TBC1D1: variants seen among roughly 807,000 people sequenced by gnomAD.
TBC1D1 encodes the protein TBC1 (tre-2/USP6, BUB2, cdc16) domain family, member 1.
A neutral mutation model predicts 125.6 loss-of-function variants in TBC1D1; 89 were observed. The observed-to-expected ratio is 0.71, with a 90% CI of 0.60 to 0.85. The LOEUF (loss-of-function observed/expected upper bound fraction) is 0.85. Ranked by LOEUF, TBC1D1 falls within the 40% of genes least tolerant of loss-of-function variation. The pLI is 0.00. For synonymous variants in TBC1D1, 565 were observed against 564.1 expected (o/e 1.00, Z -0.02); for missense variants, 1,377 against 1,469.2 (o/e 0.94, Z 1.03).
intron 2 of TBC1D1, among the ~76,000 whole-genome samples, chr4:37,931,486 CT>C (rs950633340): frequency 2.0e-5 from 3 of 151,012 alleles, no homozygotes; most frequent in East Asian, 1.9e-4. Context: ...TTTTTCCACT[CT>C]TTTTTTTTGA....
At position 38,044,432 on chromosome 4, in the gene TBC1D1, T is replaced by C. The variant is rs754396986; in HGVS notation, c.1484T>C (p.Met495Thr). The change falls in exon 9 of 20, where the codon ATG becomes ACG. Residue 495 changes from methionine (M) to threonine (T), a missense_variant. This residue lies in a region of TBC1D1 where 822 missense variants were observed against 824.6 expected (regional missense o/e 1.00). Coordinates refer to ENST00000261439, the MANE Select transcript of TBC1D1 (RefSeq NM_015173.4). ...AGTGCCACTCGATTTAGGCTAGATA[T>C]GCTGAAAAACAAAGCAAAGAGATCT... The C allele has an allele frequency of 6.2e-7, 1 of 1,613,832 alleles. No homozygotes were observed.
At chr4:38,035,237 A>T (rs753612932) in intron 7 of TBC1D1, among the ~76,000 whole-genome samples, 1 of 152,158 alleles carries the variant, frequency 6.6e-6, no homozygotes, top group African/African-American at 2.4e-5. Context: ...GAGTTTGTCA[A>T]TGTTTGGTCA....
At chr4:38,086,363 A>G (rs530036557) in intron 12 of TBC1D1, among the ~76,000 whole-genome samples, 4 of 152,246 alleles carry the variant, frequency 2.6e-5, no homozygotes, top group Admixed American at 2.6e-4. Flanking sequence ...AGATGCTACT[A>G]TGCCCTCTGC....
rs1287053032 is a variant in TBC1D1, at chr4:38,021,597, T to C, written c.1089T>C (p.Ile363=). Residue 363 remains isoleucine, a synonymous_variant, in exon 6 of 20, where the codon ATT becomes ATC. Transcript: ENST00000261439. ...TTCTCTTTGATTAGGTTGATGAAAT[T>C]ATGATGACCCTGAAACAGGCCTTCA... 6.4e-7 allele frequency: 1 copy of C among 1,554,496 alleles called. No homozygotes were observed. The highest frequency in any genetic ancestry group is 8.7e-7 in the Non-Finnish European group (1 of 1,152,612).
rs146659996 is a variant in TBC1D1, at chr4:37,936,141, A to G, written c.417+33629A>G. 5.1e-3 allele frequency among the ~76,000 whole-genome samples: 782 copies of G among 152,302 alleles called. 5 individuals are homozygous for G. The highest frequency in any genetic ancestry group is 0.018 in the African/African-American group (757 of 41,554). On this transcript the variant is annotated intron_variant, in intron 2 of 19. Transcript: ENST00000261439. ...CCCTTACTTTACAAGACCCCAGTGG[A>G]GGCCTAAAACTGACGATAGTACTGA...
intron 2 of TBC1D1, among the ~76,000 whole-genome samples, chr4:38,007,859 A>C (rs1740659851): frequency 6.6e-6 from 1 of 152,170 alleles, no homozygotes; most frequent in Non-Finnish European, 1.5e-5. Context: ...CATGCGGAGG[A>C]GGCCTTCCTA....
chr4:38,062,470 T>C (rs957874408), intron 12 of TBC1D1, among the ~76,000 whole-genome samples: 3 of 152,176 alleles, frequency 2.0e-5, no homozygotes, highest in Admixed American at 6.5e-5. Flanking sequence ...TTTAAGATTG[T>C]TCTTAATTTA....
At chr4:38,012,437 G>A (rs1331384013) in intron 2 of TBC1D1, among the ~76,000 whole-genome samples, 1 of 152,070 alleles carries the variant, frequency 6.6e-6, no homozygotes, top group Non-Finnish European at 1.5e-5. Context: ...ACCTTGGCTG[G>A]CTCATTTTTG....
intron 7 of TBC1D1, among the ~76,000 whole-genome samples, chr4:38,033,237 A>G (rs759769533): frequency 2.6e-5 from 4 of 152,200 alleles, no homozygotes; most frequent in Non-Finnish European, 5.9e-5. Flanking sequence ...GAATTTCTCC[A>G]AGCACAATAT....
intron 17 of TBC1D1, among the ~76,000 whole-genome samples, chr4:38,122,905 A>C (rs1764084292): frequency 6.6e-6 from 1 of 152,216 alleles, no homozygotes; most frequent in Non-Finnish European, 1.5e-5. Flanking sequence ...AAAACACATA[A>C]CACCACCCTC....
intron 1 of TBC1D1, among the ~76,000 whole-genome samples, chr4:37,894,360 G>T (rs1244195942): frequency 6.6e-6 from 1 of 152,162 alleles, no homozygotes; most frequent in Non-Finnish European, 1.5e-5. Context: ...TCCCTTTTCA[G>T]ATTTCAGATG....
At chr4:38,035,442 A>G in intron 7 of TBC1D1, 146 bp from the exon 8 acceptor site, 1 of 620,584 alleles carries the variant, frequency 1.6e-6, no homozygotes. Flanking sequence ...AATTCTCTCT[A>G]CTTTTAGGAT....
intron 2 of TBC1D1, among the ~76,000 whole-genome samples, chr4:37,965,925 T>G (rs919609456): frequency 6.6e-6 from 1 of 152,058 alleles, no homozygotes; most frequent in African/African-American, 2.4e-5. Context: ...TTTTGTATTT[T>G]TAGTAGAGAT....
At chr4:38,052,542 C>T (rs879833675) in intron 11 of TBC1D1, among the ~76,000 whole-genome samples, 1 of 151,892 alleles carries the variant, frequency 6.6e-6, no homozygotes, top group East Asian at 1.9e-4. Context: ...ACCATGTTGA[C>T]CAGGTTGTTC....
chr4:37,952,373 C>T (rs1007865281), intron 2 of TBC1D1: 4 of 390,408 alleles, frequency 1.0e-5, no homozygotes, highest in African/African-American at 8.2e-5. Flanking sequence ...ATCTCTCAGT[C>T]AATCCAAGTG....
At chr4:38,027,244 G>A (rs753895890) in intron 6 of TBC1D1, among the ~76,000 whole-genome samples, 2 of 152,176 alleles carry the variant, frequency 1.3e-5, no homozygotes, top group African/African-American at 2.4e-5. Context: ...GAATTAAATG[G>A]TGCAAGCTTA....
chr4:38,064,826 CGTT>C (rs1753407302), intron 12 of TBC1D1, among the ~76,000 whole-genome samples: 1 of 151,308 alleles, frequency 6.6e-6, no homozygotes, highest in African/African-American at 2.4e-5. Flanking sequence ...GGTTTCACCA[CGTT>C]GACCAGGATG....
At chr4:38,104,623 C>T (rs1308694637) in intron 15 of TBC1D1, among the ~76,000 whole-genome samples, 6 of 152,124 alleles carry the variant, frequency 3.9e-5, no homozygotes, top group Non-Finnish European at 5.9e-5. Context: ...TGCGGTGGCC[C>T]GGTTCTCTGA....
intron 18 of TBC1D1, among the ~76,000 whole-genome samples, chr4:38,129,562 T>C (rs183074456): frequency 6.6e-6 from 1 of 152,264 alleles, no homozygotes; most frequent in African/African-American, 2.4e-5. Context: ...GCCCTTGGTA[T>C]GACAATGGGA....
Sources: gnomAD v4.1 joint callset for allele counts (sites outside exome capture counted in the v4.1 genomes callset) on GRCh38, gnomAD v4.1.1 for gene constraint, gnomAD v4.1.1 regional missense constraint, MANE v1.5 for transcripts, NCBI Gene and HGNC (gene_info 2026-07-23, HGNC 2026-07-21) for gene names.